SPAG16: variants seen among roughly 807,000 people sequenced by gnomAD.
SPAG16 encodes the protein sperm-associated antigen 16 protein.
A neutral mutation model predicts 80.4 loss-of-function variants in SPAG16; 86 were observed. The observed-to-expected ratio is 1.07, with a 90% CI of 0.90 to 1.28. The LOEUF is 1.28. Ranked by LOEUF, SPAG16 falls within the 50% of genes most tolerant of loss-of-function variation. The probability of loss-of-function intolerance (pLI) is 0.00; values close to 1 mark genes in which losing one functional copy is unlikely to be tolerated. For synonymous variants in SPAG16, 294 were observed against 265.9 expected (o/e 1.11, Z -1.03); for missense variants, 870 against 765.3 (o/e 1.14, Z -1.61).
At chr2:213,716,909 T>A (rs1174216427) in intron 10 of SPAG16, among the ~76,000 whole-genome samples, 1 of 152,182 alleles carries the variant, frequency 6.6e-6, no homozygotes, top group African/African-American at 2.4e-5. Context: ...ACCACTTTCA[T>A]ATTCTGAGCC....
intron 10 of SPAG16, among the ~76,000 whole-genome samples, chr2:213,782,217 A>G (rs940100050): frequency 6.6e-6 from 1 of 152,010 alleles, no homozygotes; most frequent in African/African-American, 2.4e-5. Context: ...GGAAGGAAAG[A>G]AAGAGGGATG....
intron 10 of SPAG16, among the ~76,000 whole-genome samples, chr2:213,524,232 G>C (rs35308900): frequency 2.0e-3 from 306 of 152,326 alleles, no homozygotes; most frequent in South Asian, 0.011. Context: ...TCCATGTAGT[G>C]TTGAGCCTGC....
chr2:213,701,337 A>G (rs1418362407), intron 10 of SPAG16, among the ~76,000 whole-genome samples: 1 of 152,244 alleles, frequency 6.6e-6, no homozygotes, highest in Admixed American at 6.5e-5. Context: ...ATTTGAGTTC[A>G]AAAGAAATAG....
chr2:214,196,988 T>C (rs1036280962), intron 15 of SPAG16, among the ~76,000 whole-genome samples: 4 of 152,018 alleles, frequency 2.6e-5, no homozygotes, highest in South Asian at 4.1e-4. Context: ...TATGATAATG[T>C]ATAAATCTAA....
rs185942875 is a variant in SPAG16 at position 213,671,710 on chromosome 2, G to A, written c.1070+181620G>A. Among the ~76,000 whole-genome samples the A allele has an allele frequency of 9.9e-5, 15 of 152,248 alleles. 1 individual carries two copies. The South Asian group carries it at 2.5e-3, about 25-fold the overall frequency. Reference sequence around the variant, plus strand: ...TTTAGATGGTCTTGAGTTAAGCACCGCACCTTTGGTATAATCAGTTATGGC... The same window carrying A: ...TTTAGATGGTCTTGAGTTAAGCACCACACCTTTGGTATAATCAGTTATGGC... On this transcript the variant is annotated intron_variant, in intron 10 of 15. Coordinates refer to ENST00000331683, the MANE Select transcript of SPAG16 (RefSeq NM_024532.5).
chr2:213,967,846 C>G (rs1181312070), intron 12 of SPAG16, among the ~76,000 whole-genome samples: 1 of 152,006 alleles, frequency 6.6e-6, no homozygotes, highest in Non-Finnish European at 1.5e-5. Context: ...ACATTTAGGC[C>G]AATTTTATGG....
At chr2:213,897,390 C>A (rs780568176) in intron 11 of SPAG16, among the ~76,000 whole-genome samples, 1 of 152,076 alleles carries the variant, frequency 6.6e-6, no homozygotes, top group Non-Finnish European at 1.5e-5. Context: ...GCTTATTGTG[C>A]AGACTGGGTT....
At position 213,862,242 on chromosome 2, in the gene SPAG16, T is replaced by C. The variant is rs77543680; in HGVS notation, c.1071-243T>C. Reference sequence around the variant, plus strand: ...ATGCACAATCACCTAAACCAACTACTTTGTCTTGCAAATGAGGAATCCGAG... The same window carrying C: ...ATGCACAATCACCTAAACCAACTACCTTGTCTTGCAAATGAGGAATCCGAG... On this transcript the variant is annotated intron_variant, in intron 10 of 15. Coordinates refer to ENST00000331683, the MANE Select transcript of SPAG16 (RefSeq NM_024532.5). Among the ~76,000 whole-genome samples the C allele has an allele frequency of 9.6e-3, 1,457 of 152,258 alleles. 32 individuals carry two copies. The highest frequency in any genetic ancestry group is 0.032 in the African/African-American group (1,329 of 41,532).
chr2:214,219,537 A>G, intron 15 of SPAG16, among the ~76,000 whole-genome samples: 1 of 152,156 alleles, frequency 6.6e-6, no homozygotes. Flanking sequence ...CTATTTTTAT[A>G]CTTTCTTACA....
At chr2:213,368,845 C>T (rs1452361568) in intron 8 of SPAG16, among the ~76,000 whole-genome samples, 1 of 152,124 alleles carries the variant, frequency 6.6e-6, no homozygotes, top group Non-Finnish European at 1.5e-5. Context: ...ACCTAAGAAT[C>T]CAACTTACAA....
At chr2:214,381,482 CAGG>C (rs1700446578) in intron 15 of SPAG16, among the ~76,000 whole-genome samples, 1 of 152,140 alleles carries the variant, frequency 6.6e-6, no homozygotes, top group Non-Finnish European at 1.5e-5. Context: ...TTGGAATGCC[CAGG>C]AGATTTCATT....
chr2:213,439,928 A>C (rs2070841142), intron 9 of SPAG16, among the ~76,000 whole-genome samples: 1 of 152,236 alleles, frequency 6.6e-6, no homozygotes, highest in African/African-American at 2.4e-5. Context: ...TTTATCTAAT[A>C]AAAAGTATAC....
chr2:214,393,163 C>A (rs188265405), intron 15 of SPAG16, among the ~76,000 whole-genome samples: 24 of 152,296 alleles, frequency 1.6e-4, no homozygotes, highest in Admixed American at 1.4e-3. Flanking sequence ...TGTATGAAAG[C>A]AGTCATCTAA....
intron 12 of SPAG16, among the ~76,000 whole-genome samples, chr2:214,008,835 C>T (rs567544205): frequency 6.6e-5 from 10 of 151,764 alleles, no homozygotes; most frequent in African/African-American, 2.2e-4. Flanking sequence ...GTATTGAGTT[C>T]TGTTGTAAGG....
chr2:214,405,208 G>T lies in SPAG16; in HGVS notation c.1721-4932G>T, dbSNP rs370190747. Among the ~76,000 whole-genome samples, 30 of 151,868 alleles carry T rather than the reference G, an allele frequency of 2.0e-4. No homozygotes were observed. The South Asian group carries it at 6.3e-3, about 32-fold the overall frequency. ...GGTGGGAATAGCTCACTGCAGCCTT[G>T]AACTCCTGGACTCCAGCAATCCTCT... is the stretch of plus-strand genomic sequence containing the variant. On this transcript the variant is annotated intron_variant, in intron 15 of 15. Transcript: ENST00000331683.
intron 9 of SPAG16, among the ~76,000 whole-genome samples, chr2:213,375,968 A>C (rs1470637523): frequency 6.7e-6 from 1 of 150,078 alleles, no homozygotes; most frequent in Non-Finnish European, 1.5e-5. Flanking sequence ...TAAATATAAA[A>C]TATAAAATTT....
At chr2:213,389,838 A>G (rs528374111) in intron 9 of SPAG16, among the ~76,000 whole-genome samples, 1 of 152,314 alleles carries the variant, frequency 6.6e-6, no homozygotes, top group South Asian at 2.1e-4. Context: ...TCCTCAAAAA[A>G]TAAAAAATAG....
intron 12 of SPAG16, among the ~76,000 whole-genome samples, chr2:213,935,133 C>A (rs901612613): frequency 7.1e-6 from 1 of 140,216 alleles, no homozygotes; most frequent in Admixed American, 7.7e-5. Flanking sequence ...ACCCAGTGGG[C>A]GGAGCTTGCA....
intron 11 of SPAG16, among the ~76,000 whole-genome samples, chr2:213,911,074 A>T (rs1000028203): frequency 9.9e-5 from 15 of 152,162 alleles, no homozygotes; most frequent in Non-Finnish European, 1.2e-4. Context: ...TTTAAAAAAA[A>T]AGTGATTACC....
Sources: allele counts gnomAD v4.1 joint callset (sites outside exome capture counted in the v4.1 genomes callset), GRCh38; gene constraint gnomAD v4.1.1; transcripts MANE v1.5; gene names NCBI Gene and HGNC (gene_info 2026-07-23, HGNC 2026-07-21).